DZANK1: variants seen among roughly 807,000 people sequenced by gnomAD.
DZANK1 encodes the protein double zinc ribbon and ankyrin repeat-containing protein 1.
Under a neutral mutation model 94.5 loss-of-function variants are expected in DZANK1, and 91 were observed. The ratio of observed to expected loss-of-function variants is 0.96; its 90% CI spans 0.81 to 1.15. The LOEUF is 1.15. Ranked by LOEUF, DZANK1 falls within the 50% of genes most tolerant of loss-of-function variation. DZANK1 has a pLI of 0.00. For missense variants in DZANK1, 903 were observed against 916.4 expected, an observed-to-expected ratio of 0.99 and a Z score of 0.19; for synonymous variants, 312 against 325.3, an observed-to-expected ratio of 0.96 and a Z score of 0.44.
chr20:18,404,708 C>T (rs1174995519), intron 13 of DZANK1, among the ~76,000 whole-genome samples: 2 of 152,056 alleles, frequency 1.3e-5, no homozygotes, highest in Non-Finnish European at 2.9e-5. Flanking sequence ...TCAAAGCAGC[C>T]ATTATAAATA....
chr20:18,422,287 T>C (rs951990311), intron 10 of DZANK1, among the ~76,000 whole-genome samples: 6 of 152,244 alleles, frequency 3.9e-5, no homozygotes, highest in Non-Finnish European at 7.3e-5. Flanking sequence ...AAACCACTTA[T>C]TGAAGAGACT....
intron 5 of DZANK1, 142 bp from the exon 6 acceptor site, chr20:18,452,881 G>T: frequency 2.4e-6 from 2 of 833,096 alleles, no homozygotes; most frequent in Non-Finnish European, 3.5e-6. Flanking sequence ...TATATAAAGA[G>T]CTCCCGCCAC....
At chr20:18,385,380 C>T (rs901610231) in intron 19 of DZANK1, among the ~76,000 whole-genome samples, 2 of 151,534 alleles carry the variant, frequency 1.3e-5, no homozygotes, top group African/African-American at 4.9e-5. Context: ...TACCATTGTT[C>T]TAAATTGCCT....
chr20:18,424,979 A>G (rs1555872712), intron 10 of DZANK1, among the ~76,000 whole-genome samples: 4 of 152,238 alleles, frequency 2.6e-5, no homozygotes, highest in Non-Finnish European at 5.9e-5. Flanking sequence ...AGACAAAATC[A>G]TAGTGTCAAA....
intron 13 of DZANK1, among the ~76,000 whole-genome samples, chr20:18,411,322 C>A (rs1427012497): frequency 6.6e-6 from 1 of 152,108 alleles, no homozygotes; most frequent in Admixed American, 6.5e-5. Context: ...TTATCACCAA[C>A]TTTATTGAAA....
chr20:18,396,758 A>C (rs900676920), intron 14 of DZANK1, among the ~76,000 whole-genome samples: 4 of 152,280 alleles, frequency 2.6e-5, no homozygotes, highest in Non-Finnish European at 5.9e-5. Context: ...ATCCAACCAT[A>C]TCTAAACTCT....
chr20:18,439,596 A>T (rs956873610), intron 8 of DZANK1, among the ~76,000 whole-genome samples: 2 of 152,124 alleles, frequency 1.3e-5, no homozygotes, highest in Non-Finnish European at 2.9e-5. Flanking sequence ...CTACTCTGGG[A>T]TCTCACTAGC....
intron 6 of DZANK1, among the ~76,000 whole-genome samples, chr20:18,451,195 C>T (rs1199425345): frequency 6.6e-6 from 1 of 152,220 alleles, no homozygotes; most frequent in African/African-American, 2.4e-5. Flanking sequence ...CTGCCTGCCT[C>T]AGCCTCCCAG....
exon 11 of DZANK1, chr20:18,415,429 T>C: frequency 6.4e-7 from 1 of 1,573,186 alleles, no homozygotes; most frequent in Non-Finnish European, 8.6e-7. Context: ...GAGGAGGGGC[T>C]TTATCCCCAC....
chr20:18,421,872 C>A (rs2057797739), intron 10 of DZANK1, among the ~76,000 whole-genome samples: 1 of 152,162 alleles, frequency 6.6e-6, no homozygotes. Context: ...AGAAGCCATG[C>A]AGGACTGCTC....
intron 3 of DZANK1, among the ~76,000 whole-genome samples, chr20:18,458,394 A>G (rs2059362165): frequency 6.6e-6 from 1 of 152,232 alleles, no homozygotes; most frequent in South Asian, 2.1e-4. Flanking sequence ...CTGATCACAG[A>G]AAGCTGAGAT....
intron 8 of DZANK1, among the ~76,000 whole-genome samples, chr20:18,438,181 T>G (rs1363293320): frequency 1.7e-5 from 2 of 120,712 alleles, no homozygotes; most frequent in Non-Finnish European, 3.2e-5. Context: ...ATCATGTCAC[T>G]GCACTCCAGC....
intron 10 of DZANK1, among the ~76,000 whole-genome samples, chr20:18,419,898 AAAAC>A (rs1489068056): frequency 6.6e-6 from 1 of 151,752 alleles, no homozygotes; most frequent in Admixed American, 6.6e-5. Flanking sequence ...TACAAAAAAA[AAAAC>A]AAACAGCTTT....
intron 15 of DZANK1, chr20:18,394,733 G>A (rs879155271): frequency 4.3e-6 from 2 of 469,710 alleles, no homozygotes; most frequent in South Asian, 3.1e-5. Flanking sequence ...TCAATGTCTT[G>A]GAATTAGGGT....
intron 13 of DZANK1, among the ~76,000 whole-genome samples, chr20:18,398,871 G>A (rs868317218): frequency 6.6e-6 from 1 of 151,696 alleles, no homozygotes. Context: ...GGTGGCTCAC[G>A]CCTGTAATCC....
intron 19 of DZANK1, among the ~76,000 whole-genome samples, chr20:18,387,478 C>A (rs1472963532): frequency 2.0e-5 from 3 of 152,224 alleles, no homozygotes; most frequent in Non-Finnish European, 2.9e-5. Flanking sequence ...TAAATGTCCA[C>A]AGCTGAACCT....
rs531601075 is a variant in DZANK1 at position 18,435,444 on chromosome 20, A to T, written c.748-1679T>A. Among the ~76,000 whole-genome samples the T allele has an allele frequency of 6.0e-4, 92 of 152,320 alleles. 1 individual carries two copies. Among genetic ancestry groups the T allele is most frequent in the Non-Finnish European group, 8.8e-5 (6 of 68,026 alleles). On this transcript the variant is annotated intron_variant, in intron 8 of 20. Transcript: ENST00000262547. ...AAAAGAACGAGTTCATGTCCTTTGC[A>T]GGGACATGGATGAAGCTGGAAGCCA...
rs374558835 is a variant in DZANK1, at chr20:18,411,244, C to A, written c.1432+1402G>T. On this transcript the variant is annotated intron_variant, in intron 13 of 20. Coordinates refer to ENST00000262547, the Ensembl canonical transcript of DZANK1. ...GGAAAAGATCAATGAAATTGATAAA[C>A]CTTTAGTAAGATTGACCAAAAAAAG... Among the ~76,000 whole-genome samples, 167 of 152,004 alleles carry A rather than the reference C, an allele frequency of 1.1e-3. 2 individuals carry two copies. The Middle Eastern group carries it at 0.017, about 16-fold the overall frequency.
chr20:18,460,724 G>GC (rs1568558359), intron 2 of DZANK1, among the ~76,000 whole-genome samples: 1 of 149,540 alleles, frequency 6.7e-6, no homozygotes, highest in Non-Finnish European at 1.5e-5. Context: ...GCGAGACTCC[G>GC]TCTCAAAAAA....
Sources: allele counts gnomAD v4.1 joint callset (sites outside exome capture counted in the v4.1 genomes callset), GRCh38; gene constraint gnomAD v4.1.1; transcripts MANE v1.5; gene names NCBI Gene and HGNC (gene_info 2026-07-23, HGNC 2026-07-21).